Variants in COG5 observed in about 807,000 individuals in gnomAD.
The protein encoded by COG5 is component of oligomeric golgi complex 5, also known as conserved oligomeric Golgi complex subunit 5.
COG5 carries 86 observed loss-of-function variants against 110.4 expected under a neutral mutation model. The observed-to-expected ratio is 0.78, with a 90% CI of 0.65 to 0.93. The LOEUF (loss-of-function observed/expected upper bound fraction) is 0.93, where lower values mean the gene tolerates loss of function less well. Among genes scored for constraint, COG5 ranks in the 40% least tolerant of loss-of-function variants. The pLI, the probability that COG5 is intolerant of heterozygous loss-of-function variation, is 0.00. For synonymous variants in COG5, 360 were observed against 334.6 expected (o/e 1.08, Z -0.83); for missense variants, 1,077 against 987.0 (o/e 1.09, Z -1.22).
At position 107,297,280 on chromosome 7, in the gene COG5, T is replaced by C. The variant is rs111796931; in HGVS notation, c.1313+862A>G. ...TCTCTAAGCAATATAGTATAATAAC[T>C]CTATGCATAGCATTTACATTGTATT... On this transcript the variant is annotated intron_variant, in intron 12 of 21. Coordinates refer to ENST00000297135, the MANE Select transcript of COG5 (RefSeq NM_006348.5). Among the ~76,000 whole-genome samples, 1,316 of 152,172 alleles carry C rather than the reference T, an allele frequency of 8.6e-3. 22 individuals are homozygous for C. Among genetic ancestry groups the C allele is most frequent in the African/African-American group, 0.029 (1,201 of 41,520 alleles).
chr7:107,316,782 A>C (rs1808799874), intron 11 of COG5, among the ~76,000 whole-genome samples: 1 of 108,482 alleles, frequency 9.2e-6, no homozygotes, highest in African/African-American at 3.9e-5. Context: ...CAGTCAATGG[A>C]GATGCACCAC....
intron 11 of COG5, among the ~76,000 whole-genome samples, chr7:107,310,661 G>A (rs1209591810): frequency 1.3e-5 from 2 of 152,108 alleles, no homozygotes; most frequent in East Asian, 1.9e-4. Flanking sequence ...AAAACTGCTC[G>A]AAGACAAAAA....
At chr7:107,434,245 G>A (rs538028594) in intron 6 of COG5, among the ~76,000 whole-genome samples, 6 of 152,160 alleles carry the variant, frequency 3.9e-5, no homozygotes, top group East Asian at 3.9e-4. Context: ...CAGCTGTTAC[G>A]GAAAACCATA....
chr7:107,385,853 T>G (rs1013272018), intron 7 of COG5, among the ~76,000 whole-genome samples: 1 of 151,118 alleles, frequency 6.6e-6, no homozygotes, highest in Admixed American at 6.6e-5. Flanking sequence ...GGAGGTAATA[T>G]CCCATTGTGG....
chr7:107,510,099 A>G (rs1427521198), intron 6 of COG5, among the ~76,000 whole-genome samples: 1 of 129,794 alleles, frequency 7.7e-6, no homozygotes, highest in African/African-American at 2.6e-5. Flanking sequence ...AAAGACACAG[A>G]CTGACAAACT....
intron 6 of COG5, among the ~76,000 whole-genome samples, chr7:107,443,933 T>C (rs1361103467): frequency 1.3e-5 from 2 of 152,194 alleles, no homozygotes; most frequent in African/African-American, 4.8e-5. Context: ...CTGGACTGAT[T>C]TGTTTGTAGG....
intron 6 of COG5, among the ~76,000 whole-genome samples, chr7:107,516,489 C>A (rs1249646560): frequency 6.6e-6 from 1 of 152,192 alleles, no homozygotes; most frequent in Non-Finnish European, 1.5e-5. Context: ...CAACTTTATT[C>A]TCTTGTGAAT....
intron 6 of COG5, among the ~76,000 whole-genome samples, chr7:107,466,105 G>A (rs549240864): frequency 6.6e-6 from 1 of 152,254 alleles, no homozygotes; most frequent in East Asian, 1.9e-4. Context: ...CACAAACATG[G>A]CTATTTGTGT....
chr7:107,294,928 TATACAC>T (rs1243931492), intron 12 of COG5, among the ~76,000 whole-genome samples: 2 of 106,130 alleles, frequency 1.9e-5, no homozygotes, highest in Non-Finnish European at 3.9e-5. Flanking sequence ...TGTGTGTATA[TATACAC>T]ACACACACAC....
intron 6 of COG5, among the ~76,000 whole-genome samples, chr7:107,451,227 C>T (rs374294780): frequency 1.4e-3 from 209 of 152,174 alleles, no homozygotes; most frequent in African/African-American, 4.1e-3. Flanking sequence ...ATCAAAGAAA[C>T]CATGAAAGAG....
At chr7:107,530,322 C>A (rs1427088725) in intron 5 of COG5, among the ~76,000 whole-genome samples, 1 of 152,148 alleles carries the variant, frequency 6.6e-6, no homozygotes, top group Non-Finnish European at 1.5e-5. Context: ...AGTTTTTGGG[C>A]CGGACGCAGT....
intron 6 of COG5, among the ~76,000 whole-genome samples, chr7:107,473,276 T>C (rs566786740): frequency 1.3e-5 from 2 of 151,998 alleles, no homozygotes; most frequent in East Asian, 3.9e-4. Flanking sequence ...CAAGAGGGTG[T>C]GGTCACAAAA....
chr7:107,502,545 G>A (rs1471004764), intron 6 of COG5, among the ~76,000 whole-genome samples: 2 of 152,058 alleles, frequency 1.3e-5, no homozygotes, highest in Non-Finnish European at 2.9e-5. Context: ...CCAGTAGTGG[G>A]ATTGCTGGAT....
intron 12 of COG5, among the ~76,000 whole-genome samples, chr7:107,293,778 T>C (rs543880830): frequency 1.8e-4 from 27 of 152,042 alleles, no homozygotes; most frequent in Non-Finnish European, 2.8e-4. Flanking sequence ...TTTAAAAAAA[T>C]GTACATGATG....
chr7:107,361,862 A>C (rs1813145014), intron 10 of COG5, among the ~76,000 whole-genome samples, 171 bp downstream of exon 10: 1 of 152,050 alleles, frequency 6.6e-6, no homozygotes. Flanking sequence ...GCCCAGCCCC[A>C]TGATTACATT....
chr7:107,289,705 T>C (rs943700781), intron 12 of COG5, among the ~76,000 whole-genome samples: 4 of 152,244 alleles, frequency 2.6e-5, no homozygotes, highest in Non-Finnish European at 4.4e-5. Flanking sequence ...AGTATAAATT[T>C]GCACTCCTTT....
chr7:107,248,177 A>G (rs1490077535), intron 17 of COG5, among the ~76,000 whole-genome samples: 2 of 152,120 alleles, frequency 1.3e-5, no homozygotes, highest in African/African-American at 2.4e-5. Context: ...GTTCATAAAG[A>G]AAAAGTTTTT....
chr7:107,376,374 A>ATGGATATCT (rs1331998235), intron 7 of COG5, among the ~76,000 whole-genome samples: 1 of 152,026 alleles, frequency 6.6e-6, no homozygotes, highest in Non-Finnish European at 1.5e-5. Flanking sequence ...ATTAGAAATA[A>ATGGATATCT]TGGATATCTT....
intron 6 of COG5, among the ~76,000 whole-genome samples, chr7:107,480,104 A>G (rs1797247297): frequency 6.6e-6 from 1 of 152,164 alleles, no homozygotes; most frequent in African/African-American, 2.4e-5. Context: ...TGAAAGGGCA[A>G]ATAAAGCTTT....
Sources: allele counts gnomAD v4.1 joint callset (sites outside exome capture counted in the v4.1 genomes callset), GRCh38; gene constraint gnomAD v4.1.1; transcripts MANE v1.5; gene names NCBI Gene and HGNC (gene_info 2026-07-23, HGNC 2026-07-21).